KIAA1143: variants seen among roughly 807,000 people sequenced by gnomAD.
The protein encoded by KIAA1143 is KIAA1143, also known as uncharacterized protein KIAA1143.
KIAA1143 carries 8 observed loss-of-function variants against 17.0 expected under a neutral mutation model. That is an observed-to-expected ratio of 0.47 (90% confidence interval 0.28 to 0.85). The LOEUF (loss-of-function observed/expected upper bound fraction) is 0.85. Among genes scored for constraint, KIAA1143 ranks in the 40% least tolerant of loss-of-function variants. KIAA1143 has a pLI of 0.12. For synonymous variants in KIAA1143, 64 were observed against 67.8 expected (o/e 0.94, Z 0.27); for missense variants, 162 against 183.3 (o/e 0.88, Z 0.67).
At chr3:44,757,260 T>C (rs1013698688) in intron 1 of KIAA1143, among the ~76,000 whole-genome samples, 6 of 152,150 alleles carry the variant, frequency 3.9e-5, no homozygotes, top group African/African-American at 1.4e-4. Flanking sequence ...ATCATCCCTA[T>C]TTTTAGTCAT....
intron 1 of KIAA1143, among the ~76,000 whole-genome samples, chr3:44,757,250 A>G (rs1048931049): frequency 1.3e-5 from 2 of 152,048 alleles, no homozygotes; most frequent in African/African-American, 4.8e-5. Flanking sequence ...CCTCTTTGTC[A>G]TCATCCCTAT....
At chr3:44,757,486 G>A (rs529723931) in intron 1 of KIAA1143, among the ~76,000 whole-genome samples, 3 of 152,120 alleles carry the variant, frequency 2.0e-5, no homozygotes, top group South Asian at 2.1e-4. Flanking sequence ...CCTCCTCCAC[G>A]AAGTCTAACC....
chr3:44,761,348 C>T (rs1705112909), intron 1 of KIAA1143, 147 bp downstream of exon 1: 1 of 628,324 alleles, frequency 1.6e-6, no homozygotes, highest in African/African-American at 1.8e-5. Context: ...TGAAAAGAAC[C>T]AGCCTGGGGG....
At chr3:44,754,640 T>G (rs9311361) in intron 1 of KIAA1143, among the ~76,000 whole-genome samples, 68,629 of 151,932 alleles carry the variant, frequency 0.45, 16,691 homozygotes, top group East Asian at 0.83. Flanking sequence ...CCCTCTGCTT[T>G]GGGTACTGCT....
chr3:44,759,561 C>T (rs1705027898), intron 1 of KIAA1143, among the ~76,000 whole-genome samples: 1 of 152,026 alleles, frequency 6.6e-6, no homozygotes, highest in Non-Finnish European at 1.5e-5. Flanking sequence ...GAGAGTTAGC[C>T]TGTCCTTTGA....
At chr3:44,758,394 A>T (rs151079920) in intron 1 of KIAA1143, among the ~76,000 whole-genome samples, 1 of 152,352 alleles carries the variant, frequency 6.6e-6, no homozygotes, top group East Asian at 1.9e-4. Context: ...AATTGGAATC[A>T]GTCCTCTTAA....
rs188943622 is a variant in KIAA1143 at position 44,751,317 on chromosome 3, G to A, written c.*2024C>T. The stretch of plus-strand genomic sequence containing the variant: ...CCAGACACAACGGCTAGGAATAACA[G>A]CAGAGGTAGGAATGGGAGTTAGCGG... On this transcript the variant is annotated 3_prime_UTR_variant, in exon 3 of 3. Transcript: ENST00000296121. The A allele has an allele frequency of 3.3e-5, 5 of 152,244 alleles. No individual in the cohort carries two copies. Among genetic ancestry groups the A allele is most frequent in the African/African-American group, 1.2e-4 (5 of 41,538 alleles). The allele number at this position is 152,244 out of a possible 1,614,324, so 9.4% of individuals were successfully genotyped here. A position where few individuals can be genotyped will look rare whatever the true frequency, so the allele number is the denominator to read the frequency against.
At position 44,751,571 on chromosome 3, in the gene KIAA1143, G is replaced by T. The variant is rs745826342; in HGVS notation, c.*1770C>A. 1 of 152,068 alleles carries T rather than the reference G, an allele frequency of 6.6e-6. No homozygotes were observed. The highest frequency in any genetic ancestry group is 2.4e-5 in the African/African-American group (1 of 41,392). 9.4% of individuals were successfully genotyped at this position (152,068 alleles called of 1,614,324 possible). On this transcript the variant is annotated 3_prime_UTR_variant, in exon 3 of 3. Transcript: ENST00000296121. ...ATGTCAACCAATCAGGATTAGTAAG[G>T]GACACCACCTGAAAACTAGCTGACT...
At chr3:44,760,958 C>T (rs997085992) in intron 1 of KIAA1143, among the ~76,000 whole-genome samples, 1 of 152,198 alleles carries the variant, frequency 6.6e-6, no homozygotes, top group Non-Finnish European at 1.5e-5. Context: ...TCCCAAAGTA[C>T]TGGGATTACA....
chr3:44,760,450 C>T (rs1210545787), intron 1 of KIAA1143, among the ~76,000 whole-genome samples: 5 of 152,006 alleles, frequency 3.3e-5, no homozygotes, highest in Admixed American at 2.6e-4. Context: ...AGTGCAGTGG[C>T]GCGATCTCGG....
rs761717205 is a variant in KIAA1143 at position 44,753,311 on chromosome 3, C to G, written c.*30G>C. 24 of 1,528,104 alleles carry G rather than the reference C, an allele frequency of 1.6e-5. No individual in the cohort carries two copies. The highest frequency in any genetic ancestry group is 1.8e-6 in the Non-Finnish European group (2 of 1,105,164). 94.7% of individuals were successfully genotyped at this position (1,528,104 alleles called of 1,614,324 possible). ...TTTTAATGAACACTCCATATACTTTCAAAGTAGACTAAATTCAAAATATTT... is the reference window on the plus strand; with the variant it reads ...TTTTAATGAACACTCCATATACTTTGAAAGTAGACTAAATTCAAAATATTT... On this transcript the variant is annotated 3_prime_UTR_variant, in exon 3 of 3. Transcript: ENST00000296121.
At chr3:44,761,100 G>A (rs1277061091) in intron 1 of KIAA1143, among the ~76,000 whole-genome samples, 2 of 152,178 alleles carry the variant, frequency 1.3e-5, no homozygotes. Context: ...GTTGGGGCGG[G>A]GGTCATTTGA....
rs1704853544 is a variant in KIAA1143, at chr3:44,748,843, T to C, written c.*4498A>G. The C allele has an allele frequency of 6.6e-6, 1 of 152,154 alleles. No homozygotes were observed. 9.4% of individuals were successfully genotyped at this position (152,154 alleles called of 1,614,324 possible). The stretch of plus-strand genomic sequence containing the variant: ...AACACAAACTCCATGCTTTCAAGAT[T>C]CCCACACCCAGATACTAAGACATAT... On this transcript the variant is annotated 3_prime_UTR_variant, in exon 3 of 3. Coordinates refer to ENST00000296121, the MANE Select transcript of KIAA1143 (RefSeq NM_020696.4).
Position 44,752,663 on chromosome 3 carries a change from A to G in KIAA1143, c.*678T>C, listed in dbSNP as rs1219251609. 6.6e-6 allele frequency: 1 copy of G among 151,962 alleles called. No individual in the cohort carries two copies. The highest frequency in any genetic ancestry group is 2.4e-5 in the African/African-American group (1 of 41,392). 9.4% of individuals were successfully genotyped at this position (151,962 alleles called of 1,614,324 possible). A position where few individuals can be genotyped will look rare whatever the true frequency, so the allele number is the denominator to read the frequency against. ...CACATGGCTGCCTTCCTTATGCCTA[A>G]AAGTGGCTCTGGTACTCAGGTTTTA... On this transcript the variant is annotated 3_prime_UTR_variant, in exon 3 of 3. Transcript: ENST00000296121.
intron 1 of KIAA1143, among the ~76,000 whole-genome samples, chr3:44,756,308 C>A (rs1704968492): frequency 6.6e-6 from 1 of 152,194 alleles, no homozygotes; most frequent in African/African-American, 2.4e-5. Context: ...TGCCTGTAAT[C>A]CCAGCACTCT....
Position 44,751,471 on chromosome 3 carries a change from A to T in KIAA1143, c.*1870T>A, listed in dbSNP as rs1704891925. On this transcript the variant is annotated 3_prime_UTR_variant, in exon 3 of 3. Transcript: ENST00000296121. ...TCCTTGGCAGTGGTCGCTTTGCAAA[A>T]TCGAAGGGGACTAGATCTCCTAACT... 6.6e-6 allele frequency: 1 copy of T among 152,192 alleles called. No individual in the cohort carries two copies. The highest frequency in any genetic ancestry group is 2.4e-5 in the African/African-American group (1 of 41,446). 9.4% of individuals were successfully genotyped at this position (152,192 alleles called of 1,614,324 possible).
At chr3:44,759,541 C>T (rs1232334019) in intron 1 of KIAA1143, among the ~76,000 whole-genome samples, 1 of 152,102 alleles carries the variant, frequency 6.6e-6, no homozygotes, top group Non-Finnish European at 1.5e-5. Flanking sequence ...GCTGCATTAG[C>T]TCCTAATGAG....
At chr3:44,757,781 C>G (rs987721030) in intron 1 of KIAA1143, among the ~76,000 whole-genome samples, 2 of 152,184 alleles carry the variant, frequency 1.3e-5, no homozygotes, top group Non-Finnish European at 2.9e-5. Context: ...TGTTAAAGAA[C>G]ATGGCATTTT....
rs1395016498 is a variant in KIAA1143 at position 44,753,393 on chromosome 3, T to C, written c.413A>G (p.Gln138Arg). 1 of 1,600,584 alleles carries C rather than the reference T, an allele frequency of 6.2e-7. No homozygotes were observed. The highest frequency in any genetic ancestry group is 8.6e-7 in the Non-Finnish European group (1 of 1,168,236). Residue 138 changes from glutamine to arginine, a missense_variant, in exon 3 of 3, where the codon CAA (glutamine) becomes CGA (arginine). This residue lies in a region of KIAA1143 where 25 missense variants were observed against 50.8 expected (regional missense o/e 0.49). Transcript: ENST00000296121. ...QDSVKKNSQK[Q>R]IKNSSLLSFD... is the part of the protein sequence containing the mutation. ...AGAAAGGAGGCTACTATTTTTAATT[T>C]GTTTTTGTGAGTTCTTTTTGACCGA...
Sources: gnomAD v4.1 joint callset for allele counts (sites outside exome capture counted in the v4.1 genomes callset) on GRCh38, gnomAD v4.1.1 for gene constraint, gnomAD v4.1.1 regional missense constraint, MANE v1.5 for transcripts, NCBI Gene and HGNC (gene_info 2026-07-23, HGNC 2026-07-21) for gene names.